TBCD: variants seen among roughly 807,000 people sequenced by gnomAD.
TBCD encodes tubulin folding cofactor D.
TBCD carries 105 observed loss-of-function variants against 169.3 expected under a neutral mutation model. The ratio of observed to expected loss-of-function variants is 0.62; its 90% CI spans 0.53 to 0.73. The LOEUF (loss-of-function observed/expected upper bound fraction) is 0.73, where lower values mean the gene tolerates loss of function less well. Among genes scored for constraint, TBCD ranks in the 30% least tolerant of loss-of-function variants. The pLI is 0.00. For synonymous variants in TBCD, 700 were observed against 643.9 expected (o/e 1.09, Z -1.32); for missense variants, 1,444 against 1,600.1 (o/e 0.90, Z 1.66).
At chr17:82,817,774 G>A (rs1402831147) in intron 13 of TBCD, among the ~76,000 whole-genome samples, 2 of 152,172 alleles carry the variant, frequency 1.3e-5, no homozygotes, top group Admixed American at 1.3e-4. Flanking sequence ...TTTGACCCAG[G>A]TTTTAAATTT....
At chr17:82,752,574 C>T (rs766747721) in intron 1 of TBCD, among the ~76,000 whole-genome samples, 197 bp downstream of exon 1, 6 of 152,058 alleles carry the variant, frequency 3.9e-5, no homozygotes, top group Non-Finnish European at 7.4e-5. Flanking sequence ...GTTAGGTGCA[C>T]GGGGCAGACG....
chr17:82,844,887 C>T (rs1464867430), intron 13 of TBCD, among the ~76,000 whole-genome samples: 1 of 152,182 alleles, frequency 6.6e-6, no homozygotes, highest in South Asian at 2.1e-4. Flanking sequence ...GGTCCATTTA[C>T]TCAGAAGCAC....
chr17:82,800,171 T>C (rs71376531), intron 8 of TBCD, among the ~76,000 whole-genome samples: 6,335 of 152,180 alleles, frequency 0.042, 193 homozygotes, highest in Non-Finnish European at 0.063. Flanking sequence ...TTCCAGCCCA[T>C]CTCTGAAGCC....
At chr17:82,897,052 C>G (rs1476158048) in intron 17 of TBCD, among the ~76,000 whole-genome samples, 1 of 152,046 alleles carries the variant, frequency 6.6e-6, no homozygotes, top group African/African-American at 2.4e-5. Flanking sequence ...ACACATCTTT[C>G]GCCCATTTAC....
At chr17:82,873,331 T>C (rs1488168338) in intron 14 of TBCD, among the ~76,000 whole-genome samples, 4 of 151,454 alleles carry the variant, frequency 2.6e-5, no homozygotes, top group Admixed American at 1.3e-4. Context: ...GCACAGGACA[T>C]GGGGGTGAGA....
intron 13 of TBCD, among the ~76,000 whole-genome samples, chr17:82,869,865 G>A (rs1036874047): frequency 1.3e-5 from 2 of 152,162 alleles, no homozygotes; most frequent in African/African-American, 4.8e-5. Context: ...CCTGAACCAG[G>A]GGCTCCTCTT....
intron 13 of TBCD, chr17:82,859,721 A>G (rs1401863396): frequency 2.0e-6 from 2 of 985,296 alleles, no homozygotes; most frequent in African/African-American, 3.5e-5. Context: ...GTGGCTGTGG[A>G]AAGATTCCAG....
At chr17:82,847,795 G>C (rs1045889116) in intron 13 of TBCD, among the ~76,000 whole-genome samples, 1 of 152,122 alleles carries the variant, frequency 6.6e-6, no homozygotes, top group Admixed American at 6.5e-5. Context: ...CTAGTATTTT[G>C]TATTTTTAGT....
intron 5 of TBCD, among the ~76,000 whole-genome samples, chr17:82,770,059 G>A (rs1220040666): frequency 6.6e-6 from 1 of 151,984 alleles, no homozygotes; most frequent in East Asian, 1.9e-4. Flanking sequence ...GCTCATAAAT[G>A]GTGGATCCAT....
chr17:82,908,520 G>A (rs2060402365), intron 21 of TBCD: 4 of 351,636 alleles, frequency 1.1e-5, no homozygotes, highest in African/African-American at 4.4e-5. Flanking sequence ...CTTGTCTGTT[G>A]TCCAGATAGC....
rs1185704456 is a variant in TBCD, at chr17:82,920,748, C to T, written c.2101+130C>T. ...AAAGGTTCAAGATATTAATCGGATA[C>T]GTTGCCTTGAAGTTGTTACAAGAAC... On this transcript the variant is annotated intron_variant, in intron 24 of 38. Coordinates refer to ENST00000355528, the MANE Select transcript of TBCD (RefSeq NM_005993.5). The surrounding 1 kb of genome is among the most constrained non-coding windows in gnomAD (Gnocchi z 4.1). The T allele has an allele frequency of 1.4e-5, 12 of 885,966 alleles. No individual in the cohort carries two copies. The highest frequency in any genetic ancestry group is 1.7e-5 in the Non-Finnish European group (10 of 584,180). 54.9% of individuals were successfully genotyped at this position (885,966 alleles called of 1,614,324 possible).
intron 5 of TBCD, among the ~76,000 whole-genome samples, chr17:82,771,547 T>A (rs1457491162): frequency 6.6e-6 from 1 of 151,970 alleles, no homozygotes; most frequent in Non-Finnish European, 1.5e-5. Flanking sequence ...GCCTCCTGAG[T>A]AGCTGGGATT....
At chr17:82,756,283 G>T in intron 2 of TBCD, 68 bp downstream of exon 2, 2 of 1,424,618 alleles carry the variant, frequency 1.4e-6, no homozygotes, top group Admixed American at 1.9e-5. Context: ...GGTGTGTGGT[G>T]CTGGCACATG....
Position 82,927,112 on chromosome 17 carries a change from A to G in TBCD, c.2472-74A>G, listed in dbSNP as rs777508112. 18 of 1,590,596 alleles carry G rather than the reference A, an allele frequency of 1.1e-5. No individual in the cohort carries two copies. In the South Asian group the frequency reaches 2.1e-4, roughly 19 times the overall value. ...CGTGTCTTCTCAGGATCAGGAACAC[A>G]CATCAGCCCTCTGCGATGTGGAAGA... On this transcript the variant is annotated intron_variant, in intron 28 of 38. Coordinates refer to ENST00000355528, the MANE Select transcript of TBCD (RefSeq NM_005993.5).
chr17:82,903,246 C>T lies in TBCD; in HGVS notation c.1731-159C>T, dbSNP rs964326078. 6.8e-4 allele frequency among the ~76,000 whole-genome samples: 103 copies of T among 152,296 alleles called. No individual in the cohort carries two copies. The highest frequency in any genetic ancestry group is 2.4e-3 in the African/African-American group (99 of 41,556). ...GACTGTCCTTGTCGTCTGTTGGAGTCGGAGGTTCTTGTACTGGTTCGTGTG... is the reference window on the plus strand; with the variant it reads ...GACTGTCCTTGTCGTCTGTTGGAGTTGGAGGTTCTTGTACTGGTTCGTGTG... On this transcript the variant is annotated intron_variant, in intron 18 of 38. Transcript: ENST00000355528. This position sits in a 1 kb window ranked among gnomAD's most constrained non-coding sequence, Gnocchi z 4.8.
chr17:82,850,566 TTGGCTGTGC>T (rs1210393556), intron 13 of TBCD, among the ~76,000 whole-genome samples: 5 of 150,280 alleles, frequency 3.3e-5, no homozygotes, highest in South Asian at 2.1e-4. Context: ...TGTGCTGTTG[TTGGCTGTGC>T]TGCTGTTGGC....
chr17:82,904,611 G>A, intron 19 of TBCD, among the ~76,000 whole-genome samples: 1 of 152,050 alleles, frequency 6.6e-6, no homozygotes, highest in East Asian at 1.9e-4. Flanking sequence ...CTTAAATGTG[G>A]GGAAGAATAC....
chr17:82,784,277 A>G (rs1442655219), intron 7 of TBCD, among the ~76,000 whole-genome samples: 5 of 152,228 alleles, frequency 3.3e-5, no homozygotes, highest in Admixed American at 6.5e-5. Flanking sequence ...TACCTGTCGT[A>G]CTGATGAAAT....
At chr17:82,846,269 T>TGCGTCCGGCATGCC (rs1567878926) in intron 13 of TBCD, among the ~76,000 whole-genome samples, 3 of 118,756 alleles carry the variant, frequency 2.5e-5, no homozygotes, top group East Asian at 2.6e-4. Context: ...TCCTCTGTGC[T>TGCGTCCGGCATGCC]GTGTCCTCTT....
Sources: allele counts gnomAD v4.1 joint callset (sites outside exome capture counted in the v4.1 genomes callset), GRCh38; gene constraint gnomAD v4.1.1; non-coding constraint Gnocchi (gnomAD v3.1); transcripts MANE v1.5; gene names NCBI Gene and HGNC (gene_info 2026-07-23, HGNC 2026-07-21).